Variants in B4GALNT3 observed in about 807,000 individuals in gnomAD.
The protein encoded by B4GALNT3 is beta-1,4-N-acetylgalactosaminyltransferase 3.
B4GALNT3 carries 86 observed loss-of-function variants against 120.2 expected under a neutral mutation model. That is an observed-to-expected ratio of 0.72 (90% CI 0.60 to 0.86). The LOEUF (loss-of-function observed/expected upper bound fraction) is 0.86. Among genes scored for constraint, B4GALNT3 ranks in the 40% least tolerant of loss-of-function variants. B4GALNT3 has a pLI of 0.00. For missense variants in B4GALNT3, 1,167 were observed against 1,298.9 expected (o/e 0.90, Z 1.56); for synonymous variants, 518 against 510.4 (o/e 1.01, Z -0.20).
intron 1 of B4GALNT3, among the ~76,000 whole-genome samples, chr12:513,120 ACCTTCCG>A (rs60778322): frequency 0.12 from 12,336 of 103,898 alleles, 1,264 homozygotes; most frequent in Admixed American, 0.31. Flanking sequence ...CCTTCCTTCC[ACCTTCCG>A]CCTTCCACCT....
intron 3 of B4GALNT3, 29 bp downstream of exon 3, chr12:536,324 T>C: frequency 6.5e-7 from 1 of 1,543,114 alleles, no homozygotes; most frequent in Non-Finnish European, 9.0e-7. Context: ...TACCTGCCCT[T>C]TGAGAGAGCT....
At chr12:552,820 A>C (rs912933921) in intron 13 of B4GALNT3, 1 of 502,018 alleles carries the variant, frequency 2.0e-6, no homozygotes, top group East Asian at 3.4e-5. Context: ...TCCCTGGCGC[A>C]CCATTTGGGA....
intron 1 of B4GALNT3, among the ~76,000 whole-genome samples, chr12:493,148 A>C (rs1946358938): frequency 6.6e-6 from 1 of 152,242 alleles, no homozygotes; most frequent in Non-Finnish European, 1.5e-5. Flanking sequence ...AAAGAACAAG[A>C]AGACAGTCTA....
chr12:507,541 G>C lies in B4GALNT3; in HGVS notation c.170-27625G>C, dbSNP rs374492457. Among the ~76,000 whole-genome samples, 13 of 152,280 alleles carry C rather than the reference G, an allele frequency of 8.5e-5. No individual in the cohort carries two copies. In the East Asian group the frequency reaches 1.7e-3, roughly 20 times the overall value. The stretch of plus-strand genomic sequence containing the variant: ...GAGCTCAGAGAAAAGGAGCCACGTG[G>C]CCTGGGGCACTGCTGTTGTGGCGAC... On this transcript the variant is annotated intron_variant, in intron 1 of 19. Transcript: ENST00000266383.
intron 1 of B4GALNT3, among the ~76,000 whole-genome samples, chr12:490,654 G>T (rs993923504): frequency 2.0e-5 from 3 of 151,966 alleles, no homozygotes; most frequent in Non-Finnish European, 4.4e-5. Flanking sequence ...CATTTGAGCT[G>T]GGAAGTGGTG....
At chr12:467,388 A>G (rs895457757) in intron 1 of B4GALNT3, among the ~76,000 whole-genome samples, 5 of 152,098 alleles carry the variant, frequency 3.3e-5, no homozygotes, top group Non-Finnish European at 7.4e-5. Context: ...ATGAAAGCCC[A>G]TCTCTACTAC....
chr12:522,940 TTAAAAAAAAAAAA>T (rs1946725425), intron 1 of B4GALNT3, among the ~76,000 whole-genome samples: 1 of 77,088 alleles, frequency 1.3e-5, no homozygotes, highest in Admixed American at 1.6e-4. Flanking sequence ...GAGACTCTGT[TTAAAAAAAAAAAA>T]AAAAAAAAAA....
intron 3 of B4GALNT3, chr12:543,035 A>C: frequency 8.8e-7 from 1 of 1,138,510 alleles, no homozygotes; most frequent in South Asian, 1.3e-5. Context: ...GGCTCCTCCT[A>C]GTTCCCTGTC....
rs77270047 is a variant in B4GALNT3 at position 496,724 on chromosome 12, G to A, written c.169+36179G>A. ...CCCCTAAAGGAGACTCTGCCCATGC[G>A]CGTTAAGCAGTCACTCCTTCCCCTT... On this transcript the variant is annotated intron_variant, in intron 1 of 19. Transcript: ENST00000266383. 5.2e-3 allele frequency among the ~76,000 whole-genome samples: 789 copies of A among 152,106 alleles called. 4 individuals are homozygous for A. The highest frequency in any genetic ancestry group is 0.027 in the Middle Eastern group (8 of 294).
intron 1 of B4GALNT3, among the ~76,000 whole-genome samples, chr12:512,201 CCTTCCACCTTCCACCTTCCACCTT>C (rs1592032829): frequency 1.4e-5 from 1 of 72,222 alleles, no homozygotes; most frequent in East Asian, 3.7e-4. Flanking sequence ...CCGCCTTCCA[CCTTCCACCTTCCACCTTCCACCTT>C]CTTCCACCTT....
At chr12:493,625 G>A (rs1167851739) in intron 1 of B4GALNT3, among the ~76,000 whole-genome samples, 1 of 150,218 alleles carries the variant, frequency 6.7e-6, no homozygotes, top group Non-Finnish European at 1.5e-5. Context: ...TCACGAGAAG[G>A]ATATAATTCA....
rs147075404 is a variant in B4GALNT3 at position 559,359 on chromosome 12, G to C, written c.2826G>C (p.Gly942=). The C allele has an allele frequency of 7.2e-5, 117 of 1,614,042 alleles. No individual in the cohort carries two copies. In the East Asian group the frequency reaches 2.5e-3, roughly 34 times the overall value. Residue 942 remains glycine, a synonymous_variant, in exon 19 of 20, where the codon GGG becomes GGC. Transcript: ENST00000266383. The stretch of plus-strand genomic sequence containing the variant: ...ACAAGTCTGACCTGGACAGGATTGG[G>C]GGCATGAACACCAAGGAGTTCCGAG... ...GIYKSDLDRI[G]GMNTKEFRDR... is the part of the protein sequence containing the mutation.
At chr12:466,761 A>C (rs1946084769) in intron 1 of B4GALNT3, among the ~76,000 whole-genome samples, 1 of 152,210 alleles carries the variant, frequency 6.6e-6, no homozygotes, top group African/African-American at 2.4e-5. Flanking sequence ...ATATTTTAGT[A>C]TATAATTTAT....
intron 1 of B4GALNT3, among the ~76,000 whole-genome samples, chr12:518,939 T>A (rs1372100298): frequency 6.6e-6 from 1 of 152,248 alleles, no homozygotes; most frequent in Non-Finnish European, 1.5e-5. Context: ...ACATAATAGA[T>A]GCTCAGAAAA....
chr12:488,607 T>G (rs1309666728), intron 1 of B4GALNT3, among the ~76,000 whole-genome samples: 1 of 152,072 alleles, frequency 6.6e-6, no homozygotes, highest in African/African-American at 2.4e-5. Flanking sequence ...AAAGTGGATG[T>G]CCCAGCCTGG....
At chr12:474,878 G>T (rs1946168592) in intron 1 of B4GALNT3, among the ~76,000 whole-genome samples, 1 of 131,624 alleles carries the variant, frequency 7.6e-6, no homozygotes, top group African/African-American at 2.7e-5. Flanking sequence ...GAGCCTGGGA[G>T]GCAGAGGTTG....
chr12:540,076 G>T (rs1946899098), intron 3 of B4GALNT3, among the ~76,000 whole-genome samples: 1 of 152,202 alleles, frequency 6.6e-6, no homozygotes, highest in Non-Finnish European at 1.5e-5. Flanking sequence ...GGTACCCTTG[G>T]TCTTGCGAGT....
chr12:488,672 A>C (rs531833253), intron 1 of B4GALNT3, among the ~76,000 whole-genome samples: 20 of 152,048 alleles, frequency 1.3e-4, no homozygotes, highest in Admixed American at 3.3e-4. Flanking sequence ...AATTTTTAAA[A>C]TTTTTTTAAC....
At chr12:511,352 CACCTTCCACCTTCA>C (rs1300805001) in intron 1 of B4GALNT3, among the ~76,000 whole-genome samples, 5 of 111,512 alleles carry the variant, frequency 4.5e-5, no homozygotes, top group African/African-American at 1.4e-4. Context: ...TTCCACCTTC[CACCTTCCACCTTCA>C]ACCTTCCGCC....
Sources: gnomAD v4.1 joint callset for allele counts (sites outside exome capture counted in the v4.1 genomes callset) on GRCh38, gnomAD v4.1.1 for gene constraint, MANE v1.5 for transcripts, NCBI Gene and HGNC (gene_info 2026-07-23, HGNC 2026-07-21) for gene names.